The following DPP8 variants were observed in gnomAD, a reference collection of about 807,000 sequenced individuals.
DPP8 encodes DPP VIII.
Under a neutral mutation model 107.5 loss-of-function variants are expected in DPP8, and 31 were observed. The observed-to-expected ratio is 0.29, with a 90% CI of 0.22 to 0.39. DPP8 has a LOEUF of 0.39. DPP8 is among the 10% of genes least tolerant of loss of function. The pLI, the probability that DPP8 is intolerant of heterozygous loss-of-function variation, is 1.00. For synonymous variants in DPP8, 381 were observed against 356.6 expected (o/e 1.07, Z -0.77); for missense variants, 842 against 1,076.1 (o/e 0.78, Z 3.04).
In DPP8 at chr15:65,500,587, A is replaced by G. The variant is rs779785487; in HGVS notation, c.546+19T>C. The G allele has an allele frequency of 6.2e-7, 1 of 1,609,172 alleles. No individual in the cohort carries two copies. The highest frequency in any genetic ancestry group is 8.5e-7 in the Non-Finnish European group (1 of 1,176,018). On this transcript the variant is annotated intron_variant, in intron 4 of 19. Transcript: ENST00000300141. ...TTTTGGACCCAAACCAGATTTAATC[A>G]CTAGCAACTCCAACTTACCGTAAAT...
chr15:65,454,984 C>G (rs2064291018), intron 16 of DPP8, among the ~76,000 whole-genome samples: 1 of 152,190 alleles, frequency 6.6e-6, no homozygotes, highest in African/African-American at 2.4e-5. Flanking sequence ...CTCCCTCCTA[C>G]TGCTACTCAA....
At chr15:65,462,752 A>G (rs554689961) in intron 15 of DPP8, among the ~76,000 whole-genome samples, 3 of 152,096 alleles carry the variant, frequency 2.0e-5, no homozygotes, top group South Asian at 2.1e-4. Flanking sequence ...GCTAATTTTT[A>G]TATTTTTAGT....
chr15:65,508,625 G>A (rs1400996080), intron 2 of DPP8, among the ~76,000 whole-genome samples: 1 of 152,156 alleles, frequency 6.6e-6, no homozygotes, highest in African/African-American at 2.4e-5. Flanking sequence ...GGCTGAGGTG[G>A]GCGGATTACC....
At chr15:65,482,613 G>A (rs983977515) in intron 8 of DPP8, among the ~76,000 whole-genome samples, 5 of 152,038 alleles carry the variant, frequency 3.3e-5, no homozygotes, top group African/African-American at 1.2e-4. Context: ...TCCTGGATAA[G>A]CAAAGTTTTT....
intron 6 of DPP8, among the ~76,000 whole-genome samples, chr15:65,489,698 G>A (rs1314485534): frequency 5.3e-5 from 8 of 151,136 alleles, no homozygotes; most frequent in African/African-American, 1.2e-4. Flanking sequence ...GATTACAGGC[G>A]TAAGCCACCA....
At position 65,450,925 on chromosome 15, in the gene DPP8, C is replaced by G. The variant is rs1567131084; in HGVS notation, c.2526+74G>C. ...ACACTCTAAAAATCTGGACTTACCC[C>G]ACAGCTAATAGATTTCAAAGTAATC... On this transcript the variant is annotated intron_variant, in intron 19 of 19. Transcript: ENST00000300141. 3 of 959,350 alleles carry G rather than the reference C, an allele frequency of 3.1e-6. No individual in the cohort carries two copies. In the East Asian group the frequency reaches 7.4e-5, roughly 24 times the overall value. 59.4% of individuals were successfully genotyped at this position (959,350 alleles called of 1,614,324 possible). A position where few individuals can be genotyped will look rare whatever the true frequency, so the allele number is the denominator to read the frequency against.
intron 1 of DPP8, among the ~76,000 whole-genome samples, chr15:65,514,481 G>A (rs777120528): frequency 2.0e-5 from 3 of 152,126 alleles, no homozygotes; most frequent in Admixed American, 1.3e-4. Context: ...TCTACCAAAT[G>A]TCAACGGAAC....
At chr15:65,481,762 G>C in intron 8 of DPP8, 147 bp from the exon 9 acceptor site, 1 of 505,610 alleles carries the variant, frequency 2.0e-6, no homozygotes, top group Non-Finnish European at 3.4e-6. Context: ...AGCAAATCTA[G>C]AAGTAAATTC....
In DPP8 at chr15:65,485,126, T is replaced by C; in HGVS notation, c.990A>G (p.Ser330=). ...TANPKVTFKM[S]EIMIDAEGRI... ...TTCCTTCAGCATCAATCATTATTTC[T>C]GACATCTTAAAAGTGACTTTAGGAT... Residue 330 remains serine (S), a synonymous_variant, in exon 8 of 20, where the codon TCA becomes TCG. Coordinates refer to ENST00000300141, the MANE Select transcript of DPP8 (RefSeq NM_130434.5). 5 of 1,610,662 alleles carry C rather than the reference T, an allele frequency of 3.1e-6. No homozygotes were observed. The highest frequency in any genetic ancestry group is 4.2e-6 in the Non-Finnish European group (5 of 1,176,846).
chr15:65,515,110 C>G (rs1018237158), intron 1 of DPP8, among the ~76,000 whole-genome samples: 5 of 152,138 alleles, frequency 3.3e-5, no homozygotes, highest in Admixed American at 2.0e-4. Flanking sequence ...TCCTGAGCAG[C>G]TAAGACCACA....
rs765973271 is a variant in DPP8, at chr15:65,463,805, C to T, written c.1927G>A (p.Gly643Arg). 1 of 1,613,306 alleles carries T rather than the reference C, an allele frequency of 6.2e-7. No homozygotes were observed. Among genetic ancestry groups the T allele is most frequent in the South Asian group, 1.1e-5 (1 of 91,014 alleles). ...AACAGCACAGTAGGATATTTCTTTC[C>T]AGGCTGTAGATCATGAGGCTTGTAG... ...MLYKPHDLQP[G>R]KKYPTVLFIY... The change falls in exon 15 of 20, where the codon GGA becomes AGA. Residue 643 changes from glycine (G) to arginine (R), a missense_variant. Coordinates refer to ENST00000300141, the MANE Select transcript of DPP8 (RefSeq NM_130434.5).
At chr15:65,474,146 T>C in intron 12 of DPP8, 63 bp downstream of exon 12, 1 of 1,200,878 alleles carries the variant, frequency 8.3e-7, no homozygotes, top group Non-Finnish European at 1.2e-6. Flanking sequence ...ACATTACTCA[T>C]TTTTAGCACT....
intron 2 of DPP8, chr15:65,512,023 A>G: frequency 1.7e-6 from 1 of 581,122 alleles, no homozygotes; most frequent in Non-Finnish European, 3.2e-6. Flanking sequence ...ATCTAAAGAA[A>G]GGCATTTCAA....
chr15:65,449,550 C>T (rs920517026), intron 19 of DPP8, among the ~76,000 whole-genome samples: 1 of 151,948 alleles, frequency 6.6e-6, no homozygotes, highest in African/African-American at 2.4e-5. Flanking sequence ...GTTGGGATTA[C>T]AGGCATGCAC....
At chr15:65,502,460 C>T (rs965476902) in intron 3 of DPP8, among the ~76,000 whole-genome samples, 1 of 151,954 alleles carries the variant, frequency 6.6e-6, no homozygotes, top group Non-Finnish European at 1.5e-5. Context: ...GGTGGATCAC[C>T]CGTGGTCAGG....
chr15:65,506,646 TA>T (rs1227505794), intron 3 of DPP8, among the ~76,000 whole-genome samples: 12 of 16,640 alleles, frequency 7.2e-4, no homozygotes, highest in Non-Finnish European at 1.2e-3. Flanking sequence ...ATAACATATA[TA>T]AAATATATAA....
intron 19 of DPP8, among the ~76,000 whole-genome samples, chr15:65,448,872 A>ATATATGTG (rs1555444639): frequency 2.4e-4 from 2 of 8,344 alleles, no homozygotes; most frequent in African/African-American, 4.5e-4. Context: ...TAAAATATAT[A>ATATATGTG]TATATATATA....
Position 65,495,789 on chromosome 15 carries a change from G to C in DPP8, c.715+2075C>G, listed in dbSNP as rs553132257. Among the ~76,000 whole-genome samples, 5 of 150,528 alleles carry C rather than the reference G, an allele frequency of 3.3e-5. No individual in the cohort carries two copies. In the South Asian group the frequency reaches 1.1e-3, roughly 32 times the overall value. ...CCCAGCTACTCGGGAGGCTGAGGCA[G>C]GGGAATCACCTGAACCCGAGAGGCG... On this transcript the variant is annotated intron_variant, in intron 5 of 19. Coordinates refer to ENST00000300141, the MANE Select transcript of DPP8 (RefSeq NM_130434.5).
intron 19 of DPP8, among the ~76,000 whole-genome samples, chr15:65,449,790 G>C (rs1264359147): frequency 1.3e-5 from 2 of 152,096 alleles, no homozygotes; most frequent in Non-Finnish European, 2.9e-5. Flanking sequence ...AACAGACTGA[G>C]TACAGAAAGA....
Sources: gnomAD v4.1 joint callset for allele counts (sites outside exome capture counted in the v4.1 genomes callset) on GRCh38, gnomAD v4.1.1 for gene constraint, MANE v1.5 for transcripts, NCBI Gene and HGNC (gene_info 2026-07-23, HGNC 2026-07-21) for gene names.